The following ZNF345 variants were observed in gnomAD, a reference collection of about 807,000 sequenced individuals.
The protein encoded by ZNF345 is zinc finger protein HZF10.
For synonymous variants in ZNF345, 166 were observed against 187.9 expected, an observed-to-expected ratio of 0.88 and a Z score of 0.95; for missense variants, 527 against 589.9, an observed-to-expected ratio of 0.89 and a Z score of 1.10.
chr19:36,890,128 G>A (rs371314342), intron 3 of ZNF345: 4 of 152,244 alleles, frequency 2.6e-5, no homozygotes, highest in African/African-American at 7.2e-5. Context: ...CAGAGAAGAT[G>A]TTAGATATGA....
At chr19:36,872,851 C>T (rs1236111681) in intron 2 of ZNF345, 4 of 152,056 alleles carry the variant, frequency 2.6e-5, no homozygotes, top group South Asian at 2.1e-4. Flanking sequence ...TATCCTTTTC[C>T]GCAGCACAAT....
Position 36,877,641 on chromosome 19 carries a change from T to A in ZNF345, c.811T>A (p.Ser271Thr). ...ATGTGGTAAGGCCTTTAGTTTTGGA[T>A]CAGCCCTTACTCGACATCAAAGAAT... ...NECGKAFSFGSALTRHQRIHT... is the reference protein window; with the variant it reads ...NECGKAFSFGTALTRHQRIHT... The change falls in exon 3 of 3, where the codon TCA becomes ACA. Residue 271 changes from serine to threonine, a missense_variant. Ser to Thr is a moderately conservative substitution (Grantham distance 58, BLOSUM62 1). Coordinates refer to ENST00000420450, the MANE Select transcript of ZNF345 (RefSeq NM_001242472.2). 6.2e-7 allele frequency: 1 copy of A among 1,614,020 alleles called. No individual in the cohort carries two copies. Among genetic ancestry groups the A allele is most frequent in the Non-Finnish European group, 8.5e-7 (1 of 1,179,998 alleles).
At chr19:36,884,954 A>G (rs999987069) in intron 3 of ZNF345, among the ~76,000 whole-genome samples, 2 of 152,248 alleles carry the variant, frequency 1.3e-5, no homozygotes, top group African/African-American at 2.4e-5. Flanking sequence ...CTTCTTATAC[A>G]TGTCTTTATG....
chr19:36,873,005 G>A (rs1374656569), intron 2 of ZNF345, among the ~76,000 whole-genome samples: 2 of 152,090 alleles, frequency 1.3e-5, no homozygotes, highest in East Asian at 3.8e-4. Context: ...TTTCTTCTCA[G>A]TAGACGTTGG....
intron 3 of ZNF345, chr19:36,890,158 A>G (rs1028694341): frequency 6.6e-6 from 1 of 152,160 alleles, no homozygotes; most frequent in African/African-American, 2.4e-5. Context: ...TTTAAAATTT[A>G]TTGATACTTG....
chr19:36,873,546 A>T (rs947670250), intron 2 of ZNF345, among the ~76,000 whole-genome samples: 1 of 152,210 alleles, frequency 6.6e-6, no homozygotes, highest in African/African-American at 2.4e-5. Flanking sequence ...ATACAATGTC[A>T]TTAACTATAG....
rs545711507 is a variant in ZNF345 at position 36,878,756 on chromosome 19, A to AT, written c.*467dup. On this transcript the variant is annotated 3_prime_UTR_variant, in exon 3 of 3. Transcript: ENST00000420450. ...ATTCAATAACCTTGTCCATTTTCAT[A>AT]TTTTTTTTATTGACTATTTGATGGT... The AT allele has an allele frequency of 6.6e-5, 11 of 166,446 alleles. No homozygotes were observed. The East Asian group carries it at 1.7e-3, about 26-fold the overall frequency. 10.3% of individuals were successfully genotyped at this position (166,446 alleles called of 1,614,324 possible). A position where few individuals can be genotyped will look rare whatever the true frequency, so the allele number is the denominator to read the frequency against.
In ZNF345 at chr19:36,876,782, C is replaced by G. The variant is rs1173852019; in HGVS notation, c.-46-3C>G. 7 of 1,515,592 alleles carry G rather than the reference C, an allele frequency of 4.6e-6. No homozygotes were observed. In the Admixed American group the frequency reaches 1.5e-4, roughly 33 times the overall value. 93.9% of individuals were successfully genotyped at this position (1,515,592 alleles called of 1,614,324 possible). A position where few individuals can be genotyped will look rare whatever the true frequency, so the allele number is the denominator to read the frequency against. On this transcript the variant is annotated splice_polypyrimidine_tract_variant and splice_region_variant and intron_variant, in intron 2 of 2. Transcript: ENST00000420450. ...GAATGTTTGCTTTTATATTTTCTTT[C>G]AGACTATGAATCAAAGTTGAGACCA...
intron 2 of ZNF345, among the ~76,000 whole-genome samples, chr19:36,873,624 C>A (rs1163751659): frequency 2.6e-5 from 4 of 151,972 alleles, no homozygotes; most frequent in African/African-American, 9.7e-5. Flanking sequence ...TATCCTTTGA[C>A]CTGCATCTCC....
chr19:36,855,871 T>C (rs1002528952), intron 2 of ZNF345, among the ~76,000 whole-genome samples: 3 of 152,216 alleles, frequency 2.0e-5, no homozygotes, highest in African/African-American at 7.2e-5. Context: ...AGTTCACATA[T>C]TGTCTTCATT....
downstream of ZNF345, chr19:36,893,180 C>T (rs2073078677): frequency 2.5e-6 from 1 of 392,856 alleles, no homozygotes; most frequent in Middle Eastern, 6.4e-4. Flanking sequence ...ACTGGCAAAT[C>T]ACCAGCCTCC....
chr19:36,867,762 C>G (rs2072688983), intron 2 of ZNF345, among the ~76,000 whole-genome samples: 1 of 152,144 alleles, frequency 6.6e-6, no homozygotes, highest in African/African-American at 2.4e-5. Flanking sequence ...ATTCAGTGGA[C>G]TTACTATCCT....
Position 36,877,454 on chromosome 19 carries a change from T to A in ZNF345, c.624T>A (p.Gly208=). The A allele has an allele frequency of 6.2e-7, 1 of 1,613,328 alleles. No homozygotes were observed. ...GEKPYECIDC[G]KAFGSGSNLT... Reference sequence around the variant, plus strand: ...AACCTTATGAATGTATAGATTGTGGTAAAGCCTTTGGCAGTGGTTCAAACC... The same window carrying A: ...AACCTTATGAATGTATAGATTGTGGAAAAGCCTTTGGCAGTGGTTCAAACC... The change falls in exon 3 of 3, where the codon GGT becomes GGA. Residue 208 remains glycine, a synonymous_variant. Transcript: ENST00000420450.
intron 2 of ZNF345, among the ~76,000 whole-genome samples, chr19:36,852,124 CTTTCTT>C (rs1365572578): frequency 1.0e-4 from 11 of 107,664 alleles, no homozygotes; most frequent in Admixed American, 4.7e-4. Context: ...TTTTTTCTTT[CTTTCTT>C]TTTTTTTTTT....
intron 3 of ZNF345, chr19:36,888,277 A>C (rs367956025): frequency 6.6e-6 from 1 of 152,178 alleles, no homozygotes; most frequent in African/African-American, 2.4e-5. Context: ...AATAGTATAC[A>C]TATTCCAGGG....
rs12151333 is a variant in ZNF345, at chr19:36,879,022, G to A, written c.*725G>A. The A allele has an allele frequency of 0.32, 52,740 of 162,344 alleles. 9,708 individuals are homozygous for A. The highest frequency in any genetic ancestry group is 0.7 in the East Asian group (3,604 of 5,138). The allele number at this position is 162,344 out of a possible 1,614,324, so 10.1% of individuals were successfully genotyped here. A position where few individuals can be genotyped will look rare whatever the true frequency, so the allele number is the denominator to read the frequency against. Reference sequence around the variant, plus strand: ...CAGCTAATTTTTTGTATTTTCATTAGAGATGGGGTTTCACCACGTTGGCCA... The same window carrying A: ...CAGCTAATTTTTTGTATTTTCATTAAAGATGGGGTTTCACCACGTTGGCCA... On this transcript the variant is annotated 3_prime_UTR_variant, in exon 3 of 3. Transcript: ENST00000420450.
chr19:36,891,714 C>A (rs1340983321), intron 3 of ZNF345: 1 of 1,613,982 alleles, frequency 6.2e-7, no homozygotes, highest in Non-Finnish European at 8.5e-7. Flanking sequence ...GAATAAAGGC[C>A]TTTCTACATT....
chr19:36,886,815 G>A (rs1190095542), intron 3 of ZNF345, among the ~76,000 whole-genome samples: 9 of 151,388 alleles, frequency 5.9e-5, no homozygotes, highest in South Asian at 4.2e-4. Context: ...GTGAAACCCC[G>A]TCTCTACTAA....
intron 2 of ZNF345, among the ~76,000 whole-genome samples, chr19:36,865,061 T>C (rs562480): frequency 0.067 from 10,231 of 152,208 alleles, 938 homozygotes; most frequent in African/African-American, 0.21. Flanking sequence ...GAGAAGCTGC[T>C]TGACTGAGGA....
Sources: gnomAD v4.1 joint callset for allele counts (sites outside exome capture counted in the v4.1 genomes callset) on GRCh38, gnomAD v4.1.1 for gene constraint, MANE v1.5 for transcripts, NCBI Gene and HGNC (gene_info 2026-07-23, HGNC 2026-07-21) for gene names.